CHD1L: variants seen among roughly 807,000 people sequenced by gnomAD.
CHD1L encodes chromodomain helicase DNA binding protein 1 like.
A neutral mutation model predicts 115.9 loss-of-function variants in CHD1L; 118 were observed. The ratio of observed to expected loss-of-function variants is 1.02; its 90% CI spans 0.88 to 1.19. The LOEUF is 1.19. Ranked by LOEUF, CHD1L falls within the 50% of genes most tolerant of loss-of-function variation. CHD1L has a pLI of 0.00. For synonymous variants in CHD1L, 411 were observed against 387.1 expected, an observed-to-expected ratio of 1.06 and a Z score of -0.72; for missense variants, 1,179 against 1,065.3, an observed-to-expected ratio of 1.11 and a Z score of -1.49.
At position 147,254,961 on chromosome 1, in the gene CHD1L, A is replaced by G. The variant is rs1343665947; in HGVS notation, c.332A>G (p.Lys111Arg). The change falls in exon 3 of 23, where the codon AAA (lysine) becomes AGA (arginine). Residue 111 changes from lysine (K) to arginine (R), a missense_variant. Physicochemically the swap from Lys to Arg is conservative, Grantham distance 26. Transcript: ENST00000369258. The stretch of plus-strand genomic sequence containing the variant: ...CCCTTGTCTGTTTTGAGCAACTGGA[A>G]AGAAGAAATGCAGAGGTACAGAGTA... ...LCPLSVLSNW[K>R]EEMQRFAPGL... is the part of the protein sequence containing the mutation. The G allele has an allele frequency of 6.2e-6, 10 of 1,603,344 alleles. No homozygotes were observed. Among genetic ancestry groups the G allele is most frequent in the Non-Finnish European group, 8.5e-6 (10 of 1,176,042 alleles).
intron 22 of CHD1L, 57 bp downstream of exon 22, chr1:147,294,574 C>A: frequency 7.3e-7 from 1 of 1,374,666 alleles, no homozygotes; most frequent in Non-Finnish European, 1.0e-6. Flanking sequence ...AAAATGTGTT[C>A]ATTTTCTGGT....
the CHD1L span, among the ~76,000 whole-genome samples, chr1:147,180,365 C>T: frequency 4.6e-5 from 7 of 152,196 alleles, 1 homozygote; most frequent in Middle Eastern, 0.014. Flanking sequence ...GATCTCAGCT[C>T]ACTGCAACTT....
intron 21 of CHD1L, 57 bp downstream of exon 21, chr1:147,293,779 C>T (rs781803021): frequency 3.1e-5 from 44 of 1,419,886 alleles, no homozygotes; most frequent in Admixed American, 8.5e-5. Flanking sequence ...GCATGTGATA[C>T]GACTTTTGAA....
intron 1 of CHD1L, among the ~76,000 whole-genome samples, chr1:147,245,282 G>C (rs1666235479): frequency 6.6e-6 from 1 of 152,196 alleles, no homozygotes; most frequent in African/African-American, 2.4e-5. Context: ...GAAAGTGAGG[G>C]GAAGGACACA....
rs1671685059 is a variant in CHD1L at position 147,260,865 on chromosome 1, G to A, written c.576+947G>A. The A allele has an allele frequency of 5.9e-5, 9 of 152,196 alleles. 1 individual carries two copies. Among genetic ancestry groups the A allele is most frequent in the Admixed American group, 6.5e-5 (1 of 15,294 alleles). The allele number at this position is 152,196 out of a possible 1,614,324, so 9.4% of individuals were successfully genotyped here. ...GTACCCTAGATGGGCCCTTTTTTCC[G>A]AGGAGTCAGTGCGATGTGAAATACC... is the stretch of plus-strand genomic sequence containing the variant. On this transcript the variant is annotated intron_variant, in intron 6 of 22. Coordinates refer to ENST00000369258, the MANE Select transcript of CHD1L (RefSeq NM_004284.6).
intron 9 of CHD1L, among the ~76,000 whole-genome samples, 166 bp from the exon 10 acceptor site, chr1:147,268,616 G>T (rs149488001): frequency 1.3e-5 from 2 of 152,226 alleles, no homozygotes; most frequent in Admixed American, 6.5e-5. Flanking sequence ...TGTTTATTAG[G>T]CTTGTTGGAT....
chr1:147,280,584 G>A (rs1680465069), intron 15 of CHD1L, among the ~76,000 whole-genome samples: 2 of 152,100 alleles, frequency 1.3e-5, no homozygotes. Context: ...TTTTAAAATT[G>A]CAGCTAACAT....
At chr1:147,248,207 C>CTT (rs1156418365) in intron 1 of CHD1L, among the ~76,000 whole-genome samples, 14 of 14,328 alleles carry the variant, frequency 9.8e-4, no homozygotes, top group Admixed American at 5.8e-3. Flanking sequence ...CTCTGGAAGT[C>CTT]TTATTTTTTT....
At chr1:147,270,881 A>C (rs1364027727) in intron 10 of CHD1L, 51 bp from the exon 11 acceptor site, 5 of 1,511,534 alleles carry the variant, frequency 3.3e-6, no homozygotes, top group Non-Finnish European at 4.6e-6. Flanking sequence ...AGGGAAATTG[A>C]CCTTAAATAC....
At chr1:147,281,757 T>C (rs1341944774) in intron 15 of CHD1L, among the ~76,000 whole-genome samples, 4 of 151,966 alleles carry the variant, frequency 2.6e-5, no homozygotes, top group African/African-American at 9.7e-5. Context: ...AGTATTTCTC[T>C]TCCCATTGCA....
chr1:147,263,701 A>G (rs1446229771), intron 6 of CHD1L, among the ~76,000 whole-genome samples: 1 of 150,754 alleles, frequency 6.6e-6, no homozygotes, highest in Non-Finnish European at 1.5e-5. Flanking sequence ...CTAACCTTCT[A>G]CTTCATGTCT....
intron 5 of CHD1L, 49 bp downstream of exon 5, chr1:147,256,611 G>A (rs782051599): frequency 1.3e-6 from 2 of 1,549,404 alleles, no homozygotes; most frequent in South Asian, 1.1e-5. Flanking sequence ...TATTATGAAT[G>A]TCATGTCTTT....
intron 1 of CHD1L, among the ~76,000 whole-genome samples, chr1:147,246,280 T>G (rs1559720489): frequency 6.6e-6 from 1 of 152,236 alleles, no homozygotes; most frequent in Non-Finnish European, 1.5e-5. Context: ...TACCACAGTT[T>G]GTTTCACCAC....
upstream of CHD1L, among the ~76,000 whole-genome samples, chr1:147,237,750 A>G (rs1267211596): frequency 6.6e-6 from 1 of 152,234 alleles, no homozygotes; most frequent in Non-Finnish European, 1.5e-5. Context: ...CAGATTGCAT[A>G]AACGTTACAC....
Position 147,255,213 on chromosome 1 carries a change from G to T in CHD1L, c.347+237G>T, listed in dbSNP as rs1401622881. ...TTTGTAGTAAGTATTGATGAACTTA[G>T]TAGAAGCCATTGTTTTTTGTTTGTT... On this transcript the variant is annotated intron_variant, in intron 3 of 22. Coordinates refer to ENST00000369258, the MANE Select transcript of CHD1L (RefSeq NM_004284.6). 2.6e-5 allele frequency among the ~76,000 whole-genome samples: 4 copies of T among 152,164 alleles called. No homozygotes were observed. In the East Asian group the frequency reaches 7.7e-4, roughly 29 times the overall value.
chr1:147,269,291 T>G (rs188743222), intron 10 of CHD1L, among the ~76,000 whole-genome samples: 24 of 152,334 alleles, frequency 1.6e-4, no homozygotes, highest in African/African-American at 5.5e-4. Flanking sequence ...CAGTAAACAT[T>G]CATTTTTGTT....
chr1:147,248,753 G>A (rs797040926), intron 1 of CHD1L, among the ~76,000 whole-genome samples: 14 of 152,142 alleles, frequency 9.2e-5, no homozygotes, highest in African/African-American at 2.9e-4. Context: ...GTAAATGTAC[G>A]TATGTGTGTA....
intron 9 of CHD1L, among the ~76,000 whole-genome samples, chr1:147,267,858 T>C (rs587741961): frequency 6.6e-6 from 1 of 152,216 alleles, no homozygotes; most frequent in East Asian, 1.9e-4. Context: ...TCAAGACCAG[T>C]GGTTTTGTGG....
the CHD1L span, chr1:147,211,434 T>C: frequency 1.3e-5 from 2 of 152,206 alleles, no homozygotes; most frequent in Non-Finnish European, 2.9e-5. Context: ...TGAAGTATCA[T>C]ATGAAATAAT....
Sources: allele counts gnomAD v4.1 joint callset (sites outside exome capture counted in the v4.1 genomes callset), GRCh38; gene constraint gnomAD v4.1.1; transcripts MANE v1.5; gene names NCBI Gene and HGNC (gene_info 2026-07-23, HGNC 2026-07-21).